RERE: variants seen among roughly 807,000 people sequenced by gnomAD.
RERE encodes arginine-glutamic acid dipeptide repeats protein.
A neutral mutation model predicts 146.1 loss-of-function variants in RERE; 40 were observed. The observed-to-expected ratio is 0.27, with a 90% CI of 0.21 to 0.36. The LOEUF (loss-of-function observed/expected upper bound fraction) is 0.36. Ranked by LOEUF, RERE falls within the 10% of genes least tolerant of loss-of-function variation. RERE has a pLI of 1.00. For missense variants in RERE, 1,933 were observed against 2,138.7 expected, an observed-to-expected ratio of 0.90 and a Z score of 1.90; for synonymous variants, 1,003 against 866.0, an observed-to-expected ratio of 1.16 and a Z score of -2.78.
chr1:8,622,147 C>A (rs1646923438), intron 3 of RERE, among the ~76,000 whole-genome samples: 1 of 152,042 alleles, frequency 6.6e-6, no homozygotes, highest in South Asian at 2.1e-4. Context: ...GCTGTTAATA[C>A]CCTGAGCAAT....
intron 11 of RERE, among the ~76,000 whole-genome samples, chr1:8,453,707 G>T (rs1644416281): frequency 6.6e-6 from 1 of 152,178 alleles, no homozygotes; most frequent in African/African-American, 2.4e-5. Context: ...TGGGGAGGCT[G>T]AAGTGGGAGG....
At chr1:8,578,874 TA>T (rs1646328849) in intron 4 of RERE, among the ~76,000 whole-genome samples, 1 of 152,106 alleles carries the variant, frequency 6.6e-6, no homozygotes, top group Non-Finnish European at 1.5e-5. Context: ...ATATGAAAAA[TA>T]AATACATGTA....
intron 12 of RERE, among the ~76,000 whole-genome samples, chr1:8,410,570 G>A (rs904524038): frequency 6.6e-6 from 1 of 152,226 alleles, no homozygotes; most frequent in Non-Finnish European, 1.5e-5. Flanking sequence ...CATTTAATGG[G>A]TTCGATGTCC....
chr1:8,584,717 A>G (rs1646406107), intron 4 of RERE, among the ~76,000 whole-genome samples: 1 of 152,242 alleles, frequency 6.6e-6, no homozygotes, highest in Non-Finnish European at 1.5e-5. Flanking sequence ...ACATTCTATT[A>G]TCATTTAACA....
intron 8 of RERE, among the ~76,000 whole-genome samples, chr1:8,502,896 C>A (rs983714010): frequency 3.3e-5 from 5 of 150,940 alleles, no homozygotes; most frequent in East Asian, 1.9e-4. Context: ...GCAGCGTGCT[C>A]GTTAAGAGTC....
chr1:8,647,810 T>C (rs1218537775), intron 2 of RERE, among the ~76,000 whole-genome samples: 1 of 152,152 alleles, frequency 6.6e-6, no homozygotes, highest in Non-Finnish European at 1.5e-5. Context: ...ACTTGCAGCC[T>C]CCACAGACCT....
chr1:8,457,951 G>T (rs1644472278), intron 11 of RERE, among the ~76,000 whole-genome samples: 1 of 152,074 alleles, frequency 6.6e-6, no homozygotes. Context: ...AGAGGAGGTA[G>T]CTTTAAATGA....
intron 12 of RERE, among the ~76,000 whole-genome samples, chr1:8,401,408 C>T (rs559928271): frequency 9.9e-5 from 15 of 151,808 alleles, no homozygotes; most frequent in East Asian, 9.7e-4. Flanking sequence ...TGCCACTGCA[C>T]GCCAGCCTGC....
At chr1:8,756,441 G>A (rs1007167329) in intron 1 of RERE, among the ~76,000 whole-genome samples, 2 of 152,020 alleles carry the variant, frequency 1.3e-5, no homozygotes, top group African/African-American at 2.4e-5. Context: ...AAACAAAAAG[G>A]ACCTAAAAGC....
intron 1 of RERE, among the ~76,000 whole-genome samples, chr1:8,757,868 G>C (rs1462267921): frequency 6.6e-6 from 1 of 150,780 alleles, no homozygotes; most frequent in African/African-American, 2.4e-5. Context: ...ACAGATGAAT[G>C]GATAAAGTCA....
chr1:8,424,179 C>G (rs929630489), intron 11 of RERE: 1 of 152,214 alleles, frequency 6.6e-6, no homozygotes, highest in African/African-American at 2.4e-5. Flanking sequence ...CCGACGCCCC[C>G]CGCGGTCCCT....
chr1:8,670,397 T>C (rs962519307), intron 1 of RERE, among the ~76,000 whole-genome samples: 3 of 152,196 alleles, frequency 2.0e-5, no homozygotes, highest in Non-Finnish European at 2.9e-5. Context: ...CTAGGTGGCC[T>C]AGGAGCTATG....
At chr1:8,506,842 AAG>A (rs1467072817) in intron 8 of RERE, among the ~76,000 whole-genome samples, 1 of 152,246 alleles carries the variant, frequency 6.6e-6, no homozygotes, top group Non-Finnish European at 1.5e-5. Context: ...TGCACTGAGA[AAG>A]GATAAAATAT....
intron 7 of RERE, chr1:8,525,801 G>C: frequency 5.0e-6 from 8 of 1,593,738 alleles, no homozygotes; most frequent in Non-Finnish European, 6.8e-6. Context: ...CACGGGCTCT[G>C]GTGAGTCTAG....
In RERE at chr1:8,359,767, C is replaced by T. The variant is rs759437856; in HGVS notation, c.3615G>A (p.Ala1205=). 14 of 1,599,778 alleles carry T rather than the reference C, an allele frequency of 8.8e-6. No homozygotes were observed. The highest frequency in any genetic ancestry group is 5.5e-5 in the South Asian group (5 of 90,924). ...ACCTCGCCAACCCTGGACTCACAGC[C>T]GCCCGCTCTGCCTCGCGCTCCCGCT... ...EREREREAER[A]AKASSSAHEG... is the part of the protein sequence containing the mutation. Residue 1205 remains alanine, a synonymous_variant, in exon 19 of 23, where the codon GCG becomes GCA. Coordinates refer to ENST00000400908, the MANE Select transcript of RERE (RefSeq NM_001042681.2).
intron 4 of RERE, among the ~76,000 whole-genome samples, chr1:8,601,193 T>C (rs1375455091): frequency 6.6e-6 from 1 of 151,660 alleles, no homozygotes; most frequent in Non-Finnish European, 1.5e-5. Context: ...CTGTTTTGTA[T>C]TTTTAGTAGA....
chr1:8,710,906 C>G (rs1569605102), intron 1 of RERE, among the ~76,000 whole-genome samples: 1 of 151,844 alleles, frequency 6.6e-6, no homozygotes, highest in African/African-American at 2.4e-5. Flanking sequence ...GCTGTAATCC[C>G]AGCACTTTGG....
In RERE at chr1:8,421,990, G is replaced by C. The variant is rs564889851; in HGVS notation, c.1284+737C>G. Among the ~76,000 whole-genome samples the C allele has an allele frequency of 4.6e-5, 7 of 152,264 alleles. No individual in the cohort carries two copies. The East Asian group carries it at 1.3e-3, about 29-fold the overall frequency. On this transcript the variant is annotated intron_variant, in intron 12 of 22. Transcript: ENST00000400908. ...CTCCCCATCTGCCTCTACACCACCA[G>C]GGAAGGAGATGAGGAGGGAGGCAAC...
chr1:8,642,848 C>T (rs1328009789), intron 2 of RERE, among the ~76,000 whole-genome samples: 1 of 152,128 alleles, frequency 6.6e-6, no homozygotes, highest in Admixed American at 6.5e-5. Context: ...GCACATGTCT[C>T]CTACTCAACT....
Sources: allele counts gnomAD v4.1 joint callset (sites outside exome capture counted in the v4.1 genomes callset), GRCh38; gene constraint gnomAD v4.1.1; transcripts MANE v1.5; gene names NCBI Gene and HGNC (gene_info 2026-07-23, HGNC 2026-07-21).